The following ART3 variants were observed in gnomAD, a reference collection of about 807,000 sequenced individuals.
ART3 encodes ecto-ADP-ribosyltransferase 3.
In ART3, 49 loss-of-function variants were observed where a neutral mutation model predicts 48.5. The observed-to-expected ratio is 1.01, with a 90% CI of 0.80 to 1.28. The LOEUF (loss-of-function observed/expected upper bound fraction) is 1.28. ART3 is among the 50% of genes most tolerant of loss of function. ART3 has a pLI of 0.00. For synonymous variants in ART3, 145 were observed against 157.2 expected (o/e 0.92, Z 0.58); for missense variants, 438 against 454.3 (o/e 0.96, Z 0.33).
chr4:76,043,279 C>T (rs113245161), intron 1 of ART3, among the ~76,000 whole-genome samples: 29 of 152,126 alleles, frequency 1.9e-4, no homozygotes, highest in African/African-American at 3.6e-4. Context: ...CTGCCAGTCC[C>T]GGTGCTGTGT....
intron 1 of ART3, chr4:76,034,074 C>T (rs1408580679): frequency 5.7e-6 from 1 of 175,762 alleles, no homozygotes; most frequent in East Asian, 1.5e-4. Flanking sequence ...AATATGTGCA[C>T]TTTTGCCAGT....
chr4:76,070,905 A>T (rs1720245718), upstream of ART3, among the ~76,000 whole-genome samples: 1 of 151,796 alleles, frequency 6.6e-6, no homozygotes, highest in East Asian at 1.9e-4. Context: ...CTCTTATCTA[A>T]GGCCACCTCA....
At chr4:76,042,725 C>T (rs1277355088) in intron 1 of ART3, among the ~76,000 whole-genome samples, 2 of 152,150 alleles carry the variant, frequency 1.3e-5, no homozygotes, top group South Asian at 2.1e-4. Flanking sequence ...CAGACTTTCG[C>T]GGTGAGTGTT....
intron 1 of ART3, 122 bp downstream of exon 1, chr4:76,074,941 T>A (rs1468207455): frequency 6.6e-6 from 1 of 152,212 alleles, no homozygotes; most frequent in Non-Finnish European, 1.5e-5. Context: ...TATATTCAAA[T>A]CTTTTTTGGA....
chr4:76,105,067 G>T (rs1164639926), intron 10 of ART3, among the ~76,000 whole-genome samples: 1 of 152,096 alleles, frequency 6.6e-6, no homozygotes, highest in Non-Finnish European at 1.5e-5. Context: ...CAGAGAAAAG[G>T]GTCCAGGACC....
At chr4:76,108,928 G>A (rs776255619) in intron 11 of ART3, among the ~76,000 whole-genome samples, 2 of 152,146 alleles carry the variant, frequency 1.3e-5, no homozygotes, top group Non-Finnish European at 2.9e-5. Flanking sequence ...AATGGTACAG[G>A]TGTATAGGGC....
chr4:76,104,121 G>T, intron 9 of ART3, 152 bp downstream of exon 9: 6 of 947,700 alleles, frequency 6.3e-6, no homozygotes, highest in Non-Finnish European at 9.5e-6. Context: ...CTGGGGAAGC[G>T]TAGAGAAGTC....
chr4:76,107,048 AT>A (rs139336219), intron 10 of ART3, among the ~76,000 whole-genome samples: 4,633 of 152,246 alleles, frequency 0.03, 195 homozygotes, highest in African/African-American at 0.094. Context: ...TCAATATTTT[AT>A]TATAAAATAA....
At chr4:76,053,087 A>C (rs1736291470) in intron 1 of ART3, among the ~76,000 whole-genome samples, 1 of 152,190 alleles carries the variant, frequency 6.6e-6, no homozygotes, top group Non-Finnish European at 1.5e-5. Context: ...CTGAAAGTTG[A>C]GCACAAAAAG....
chr4:76,112,412 C>T lies in ART3; in HGVS notation c.1063C>T (p.Pro355Ser). Residue 355 changes from proline to serine, a missense_variant, in exon 12 of 12, where the codon CCC (proline) becomes TCC (serine). Physicochemically the swap from Pro to Ser is moderately conservative, Grantham distance 74 (BLOSUM62 -1). Coordinates refer to ENST00000355810, the MANE Select transcript of ART3 (RefSeq NM_001130016.3). ...PTPGPVPVPG[P>S]KSHPSASSGK... ...TCCAGGTCCAGTTCCTGTTCCAGGT[C>T]CCAAAAGCCATCCTTCTGCATCCTC... The T allele has an allele frequency of 6.2e-7, 1 of 1,613,946 alleles. No homozygotes were observed. The highest frequency in any genetic ancestry group is 8.5e-7 in the Non-Finnish European group (1 of 1,179,946).
At chr4:76,083,307 G>C (rs1246206105) in intron 3 of ART3, among the ~76,000 whole-genome samples, 1 of 152,172 alleles carries the variant, frequency 6.6e-6, no homozygotes, top group East Asian at 1.9e-4. Flanking sequence ...GGTGCTTACT[G>C]TCATGTTTCC....
intron 8 of ART3, among the ~76,000 whole-genome samples, chr4:76,101,996 A>G (rs1408901187): frequency 6.6e-6 from 1 of 152,222 alleles, no homozygotes; most frequent in Non-Finnish European, 1.5e-5. Flanking sequence ...TGGTAGTGTC[A>G]AAAGACAAAA....
At chr4:76,075,190 AT>A (rs1435582335) in intron 1 of ART3, 9 of 152,204 alleles carry the variant, frequency 5.9e-5, no homozygotes, top group Non-Finnish European at 1.3e-4. Flanking sequence ...TGGGATGAAT[AT>A]TAGGCATTCG....
chr4:76,064,935 G>A lies in ART3; in HGVS notation c.-9-10946G>A, dbSNP rs918687948. 4.0e-5 allele frequency among the ~76,000 whole-genome samples: 6 copies of A among 151,856 alleles called. No homozygotes were observed. In the East Asian group the frequency reaches 5.8e-4, roughly 15 times the overall value. ...CAACCTCCACCTTCCAGGTTCAAGC[G>A]ATTCTCCTGCCTCAGCGTCCTGAGT... is the stretch of plus-strand genomic sequence containing the variant. On this transcript the variant is annotated intron_variant, in intron 1 of 9. Coordinates refer to the ART3 transcript ENST00000341029.
At chr4:76,045,035 A>G (rs1047689319) in intron 1 of ART3, among the ~76,000 whole-genome samples, 3 of 151,956 alleles carry the variant, frequency 2.0e-5, no homozygotes, top group Non-Finnish European at 2.9e-5. Context: ...TCCCAGTTCT[A>G]AGGCTCGGGT....
chr4:76,020,826 C>T (rs1732733605), intron 1 of ART3, among the ~76,000 whole-genome samples: 1 of 151,760 alleles, frequency 6.6e-6, no homozygotes, highest in Admixed American at 6.6e-5. Context: ...TGCACTCCGG[C>T]TTGGGTGACA....
chr4:76,063,258 G>C (rs1719405556), intron 1 of ART3, among the ~76,000 whole-genome samples: 1 of 152,104 alleles, frequency 6.6e-6, no homozygotes, highest in Non-Finnish European at 1.5e-5. Context: ...CCTATAGTAG[G>C]TGCTCAGTAA....
chr4:76,048,844 C>T (rs181171467), intron 1 of ART3, among the ~76,000 whole-genome samples: 2 of 151,926 alleles, frequency 1.3e-5, no homozygotes, highest in Admixed American at 1.3e-4. Flanking sequence ...TTCTCAAAAA[C>T]CTGTTAGAGT....
At chr4:76,021,784 G>T in intron 1 of ART3, 2 of 770,924 alleles carry the variant, frequency 2.6e-6, no homozygotes, top group South Asian at 3.1e-5. Context: ...CTGATTTGGT[G>T]ACCATCATTG....
Sources: gnomAD v4.1 joint callset for allele counts (sites outside exome capture counted in the v4.1 genomes callset) on GRCh38, gnomAD v4.1.1 for gene constraint, MANE v1.5 for transcripts, NCBI Gene and HGNC (gene_info 2026-07-23, HGNC 2026-07-21) for gene names.